Variants in HOXC4 observed in about 807,000 individuals in gnomAD.
HOXC4 encodes homeobox protein Hox-C4.
Under a neutral mutation model 25.5 loss-of-function variants are expected in HOXC4, and 15 were observed. That is an observed-to-expected ratio of 0.59 (90% CI 0.39 to 0.91). HOXC4 has a LOEUF of 0.91. HOXC4 is among the 40% of genes least tolerant of loss of function. The pLI, the probability that HOXC4 is intolerant of heterozygous loss-of-function variation, is 0.00. For synonymous variants in HOXC4, 165 were observed against 148.0 expected, an observed-to-expected ratio of 1.11 and a Z score of -0.83; for missense variants, 342 against 352.4, an observed-to-expected ratio of 0.97 and a Z score of 0.24.
intron 1 of HOXC4, among the ~76,000 whole-genome samples, chr12:54,046,677 C>T (rs754223228): frequency 3.3e-5 from 5 of 152,170 alleles, no homozygotes; most frequent in African/African-American, 4.8e-5. Context: ...GGAAAACCAG[C>T]AGTTTGGGGA....
At chr12:54,045,847 C>A (rs975519054) in intron 1 of HOXC4, among the ~76,000 whole-genome samples, 2 of 152,200 alleles carry the variant, frequency 1.3e-5, no homozygotes, top group African/African-American at 4.8e-5. Flanking sequence ...ACTAAGTTAT[C>A]TGTCCCTCGA....
chr12:54,036,894 G>A (rs1021928255), intron 1 of HOXC4, among the ~76,000 whole-genome samples: 1 of 152,114 alleles, frequency 6.6e-6, no homozygotes, highest in Admixed American at 6.5e-5. Flanking sequence ...CTCCCCAGGG[G>A]ACAGGCGCAC....
At chr12:54,027,167 G>T (rs1222058550) in intron 1 of HOXC4, among the ~76,000 whole-genome samples, 1 of 152,188 alleles carries the variant, frequency 6.6e-6, no homozygotes, top group Non-Finnish European at 1.5e-5. Context: ...CTGCCTTTTC[G>T]TAACCGTCTC....
chr12:54,034,353 A>T, intron 1 of HOXC4: 1 of 1,614,216 alleles, frequency 6.2e-7, no homozygotes, highest in Non-Finnish European at 8.5e-7. Flanking sequence ...TTCCACTTTA[A>T]CCGCTACCTC....
chr12:54,018,485 C>T (rs1940267863), intron 1 of HOXC4, among the ~76,000 whole-genome samples: 1 of 152,164 alleles, frequency 6.6e-6, no homozygotes, highest in African/African-American at 2.4e-5. Flanking sequence ...CAGCCTGGGG[C>T]GGCGGGAGGG....
intron 1 of HOXC4, among the ~76,000 whole-genome samples, chr12:54,041,423 A>G (rs1421174952): frequency 6.6e-6 from 1 of 152,152 alleles, no homozygotes; most frequent in Non-Finnish European, 1.5e-5. Flanking sequence ...AAGGGGCAGG[A>G]GTTCTGATGG....
At chr12:54,034,818 G>C (rs1941139675) in intron 1 of HOXC4, 1 of 328,524 alleles carries the variant, frequency 3.0e-6, no homozygotes, top group East Asian at 6.9e-5. Context: ...CGTATCTCCG[G>C]CTCCCAGCCT....
At chr12:54,041,973 TTTTC>T (rs1271288341) in intron 1 of HOXC4, among the ~76,000 whole-genome samples, 2 of 137,140 alleles carry the variant, frequency 1.5e-5, no homozygotes, top group African/African-American at 5.7e-5. Context: ...TTTTCTTTTC[TTTTC>T]TTTTTTTTTT....
chr12:54,033,290 C>G lies in HOXC4; in HGVS notation c.-124+15876C>G, dbSNP rs765124411. The G allele has an allele frequency of 8.5e-5, 137 of 1,614,092 alleles. No homozygotes were observed. Among genetic ancestry groups the G allele is most frequent in the Non-Finnish European group, 1.1e-4 (133 of 1,180,056 alleles). On this transcript the variant is annotated intron_variant, in intron 1 of 3. Transcript: ENST00000303406. ...CTTTCCCACCGCCTGCGCCTTCCAA[C>G]TCTCTCCACGGGGTAGACATGGCTG...
At chr12:54,054,407 T>A in intron 1 of HOXC4, 46 bp downstream of exon 1, 2 of 1,093,756 alleles carry the variant, frequency 1.8e-6, no homozygotes, top group Non-Finnish European at 2.4e-6. Flanking sequence ...CCTTCTTCCC[T>A]AGCGCTCCCC....
intron 1 of HOXC4, among the ~76,000 whole-genome samples, chr12:54,037,161 A>G (rs1236051873): frequency 6.6e-6 from 1 of 152,152 alleles, no homozygotes; most frequent in Non-Finnish European, 1.5e-5. Flanking sequence ...CATCGTCGGG[A>G]GTCAGCGGCG....
chr12:54,047,838 C>G (rs750513819), intron 1 of HOXC4: 1 of 152,308 alleles, frequency 6.6e-6, no homozygotes, highest in Non-Finnish European at 1.5e-5. Flanking sequence ...CTCCGACTTT[C>G]CCGTTTTTGT....
intron 1 of HOXC4, among the ~76,000 whole-genome samples, chr12:54,047,066 G>A (rs1183551997): frequency 6.6e-6 from 1 of 152,246 alleles, no homozygotes; most frequent in Non-Finnish European, 1.5e-5. Flanking sequence ...CATCTCTTCT[G>A]GTGCTTCTCG....
At chr12:54,038,361 G>T (rs531056043) in intron 1 of HOXC4, among the ~76,000 whole-genome samples, 2 of 152,306 alleles carry the variant, frequency 1.3e-5, no homozygotes, top group South Asian at 4.1e-4. Flanking sequence ...GTGTCTGTAC[G>T]GGTATGTAAA....
At chr12:54,027,571 TTCTCTC>T (rs1169899914) in intron 1 of HOXC4, among the ~76,000 whole-genome samples, 1 of 152,216 alleles carries the variant, frequency 6.6e-6, no homozygotes, top group Non-Finnish European at 1.5e-5. Flanking sequence ...CTCTCTCTCT[TTCTCTC>T]TGTCTTTCCC....
At chr12:54,037,208 G>A (rs767122578) in intron 1 of HOXC4, among the ~76,000 whole-genome samples, 1 of 152,216 alleles carries the variant, frequency 6.6e-6, no homozygotes, top group Non-Finnish European at 1.5e-5. Context: ...ACTTCCCTAC[G>A]CTGAGGGTGC....
chr12:54,036,910 C>T (rs926177651), intron 1 of HOXC4, among the ~76,000 whole-genome samples: 2 of 152,214 alleles, frequency 1.3e-5, no homozygotes, highest in Non-Finnish European at 2.9e-5. Context: ...CGCACCACCC[C>T]AGGGGAAAAC....
chr12:54,023,668 G>A (rs1024690643), intron 1 of HOXC4, among the ~76,000 whole-genome samples: 1 of 152,122 alleles, frequency 6.6e-6, no homozygotes, highest in Non-Finnish European at 1.5e-5. Flanking sequence ...CCCGGGCCCT[G>A]TCCCCAAAAT....
chr12:54,034,031 T>TC (rs750916274), intron 1 of HOXC4: 1 of 688,284 alleles, frequency 1.5e-6, no homozygotes. Flanking sequence ...GTCTCCCTCT[T>TC]CCCCCCAACC....
Sources: allele counts gnomAD v4.1 joint callset (sites outside exome capture counted in the v4.1 genomes callset), GRCh38; gene constraint gnomAD v4.1.1; transcripts MANE v1.5; gene names NCBI Gene and HGNC (gene_info 2026-07-23, HGNC 2026-07-21).